EXOC6B: variants seen among roughly 807,000 people sequenced by gnomAD.
The protein encoded by EXOC6B is exocyst complex component 6B.
Under a neutral mutation model 113.5 loss-of-function variants are expected in EXOC6B, and 54 were observed. The observed-to-expected ratio is 0.48, with a 90% confidence interval of 0.38 to 0.60. The LOEUF is 0.60. EXOC6B is among the 20% of genes least tolerant of loss of function. The probability of loss-of-function intolerance (pLI) is 0.00; values close to 1 mark genes in which losing one functional copy is unlikely to be tolerated. For missense variants in EXOC6B, 797 were observed against 977.5 expected (o/e 0.82, Z 2.46); for synonymous variants, 357 against 339.0 (o/e 1.05, Z -0.58).
chr2:72,293,543 T>C (rs1430008479), intron 20 of EXOC6B, among the ~76,000 whole-genome samples: 1 of 152,148 alleles, frequency 6.6e-6, no homozygotes, highest in African/African-American at 2.4e-5. Flanking sequence ...ATTGCATATG[T>C]CAATGTGCCC....
intron 6 of EXOC6B, among the ~76,000 whole-genome samples, chr2:72,583,220 C>T (rs1330277362): frequency 6.6e-6 from 1 of 152,150 alleles, no homozygotes; most frequent in African/African-American, 2.4e-5. Context: ...AACAACCAAA[C>T]CTATGAATTA....
chr2:72,345,416 T>G (rs1305755468), intron 19 of EXOC6B, among the ~76,000 whole-genome samples: 1 of 152,144 alleles, frequency 6.6e-6, no homozygotes, highest in Non-Finnish European at 1.5e-5. Flanking sequence ...TTCCCAAATC[T>G]GGAAGCAACC....
At chr2:72,737,536 T>C (rs1212298556) in intron 2 of EXOC6B, among the ~76,000 whole-genome samples, 5 of 152,174 alleles carry the variant, frequency 3.3e-5, no homozygotes, top group African/African-American at 1.2e-4. Flanking sequence ...TATAGTCATT[T>C]TAAGCAGAAA....
intron 19 of EXOC6B, among the ~76,000 whole-genome samples, chr2:72,367,056 T>C (rs529091348): frequency 8.5e-5 from 13 of 152,164 alleles, no homozygotes; most frequent in African/African-American, 2.6e-4. Context: ...TTTTATAAAA[T>C]AAATGAGTGT....
At chr2:72,524,494 G>T (rs1277669549) in intron 8 of EXOC6B, among the ~76,000 whole-genome samples, 1 of 152,028 alleles carries the variant, frequency 6.6e-6, no homozygotes, top group Non-Finnish European at 1.5e-5. Context: ...ATGTATTAGG[G>T]CTTTGAAAAA....
chr2:72,547,802 C>T (rs1324983674), intron 8 of EXOC6B, among the ~76,000 whole-genome samples: 2 of 152,092 alleles, frequency 1.3e-5, no homozygotes, highest in Non-Finnish European at 2.9e-5. Context: ...CATAGCCCAC[C>T]CGTCTTTATA....
intron 17 of EXOC6B, 119 bp downstream of exon 17, chr2:72,480,497 A>G: frequency 1.1e-6 from 1 of 933,368 alleles, no homozygotes; most frequent in Non-Finnish European, 1.5e-6. Flanking sequence ...AACATATCAT[A>G]AACACTCATT....
chr2:72,248,128 C>T (rs1431794084), intron 20 of EXOC6B, among the ~76,000 whole-genome samples: 3 of 152,268 alleles, frequency 2.0e-5, no homozygotes, highest in Non-Finnish European at 2.9e-5. Flanking sequence ...AGAATCTGAA[C>T]TACTTAGACA....
intron 18 of EXOC6B, among the ~76,000 whole-genome samples, chr2:72,447,069 A>G (rs1440022131): frequency 6.6e-6 from 1 of 151,830 alleles, no homozygotes; most frequent in Non-Finnish European, 1.5e-5. Flanking sequence ...GCACCACTGC[A>G]CTCTAGTCTG....
chr2:72,401,759 TCAGAAA>T (rs1287935643), intron 18 of EXOC6B, among the ~76,000 whole-genome samples: 1 of 139,306 alleles, frequency 7.2e-6, no homozygotes, highest in African/African-American at 2.6e-5. Context: ...GTGAAATTAC[TCAGAAA>T]CAGAAAGTTT....
intron 19 of EXOC6B, among the ~76,000 whole-genome samples, chr2:72,376,441 T>G (rs1472072664): frequency 6.6e-6 from 1 of 152,218 alleles, no homozygotes; most frequent in Non-Finnish European, 1.5e-5. Flanking sequence ...CTCTTATCAC[T>G]GTTCTTCATT....
intron 20 of EXOC6B, among the ~76,000 whole-genome samples, chr2:72,193,788 T>C (rs1261827625): frequency 6.6e-6 from 1 of 152,184 alleles, no homozygotes; most frequent in Non-Finnish European, 1.5e-5. Flanking sequence ...AGGCCTCATA[T>C]GCTAAGCTAA....
At chr2:72,601,176 G>GTGTGTA (rs1553450422) in intron 6 of EXOC6B, among the ~76,000 whole-genome samples, 10 of 147,644 alleles carry the variant, frequency 6.8e-5, no homozygotes, top group South Asian at 2.1e-4. Flanking sequence ...GTGTGTGTGT[G>GTGTGTA]TATATCTTTT....
intron 6 of EXOC6B, among the ~76,000 whole-genome samples, chr2:72,673,423 C>T (rs1676054261): frequency 6.6e-6 from 1 of 152,150 alleles, no homozygotes; most frequent in African/African-American, 2.4e-5. Context: ...TCCCATTCCT[C>T]CGGTCTTGTT....
chr2:72,779,819 G>A (rs1250903646), intron 1 of EXOC6B, among the ~76,000 whole-genome samples: 2 of 152,194 alleles, frequency 1.3e-5, no homozygotes, highest in African/African-American at 4.8e-5. Context: ...TGGTCTCAGA[G>A]ATACAATAGA....
At chr2:72,794,249 TTAAG>T (rs1224973229) in intron 1 of EXOC6B, among the ~76,000 whole-genome samples, 1 of 152,238 alleles carries the variant, frequency 6.6e-6, no homozygotes, top group Non-Finnish European at 1.5e-5. Flanking sequence ...CTATGGCATC[TTAAG>T]TATGTGTCAC....
At chr2:72,218,823 C>T (rs1414571449) in intron 20 of EXOC6B, among the ~76,000 whole-genome samples, 2 of 151,878 alleles carry the variant, frequency 1.3e-5, no homozygotes, top group African/African-American at 4.8e-5. Context: ...CCACCATGCC[C>T]AACTAATTTT....
At chr2:72,438,879 T>C (rs1393784238) in intron 18 of EXOC6B, among the ~76,000 whole-genome samples, 1 of 152,204 alleles carries the variant, frequency 6.6e-6, no homozygotes. Context: ...TAGAATTTTC[T>C]TTTAAAATAT....
At chr2:72,293,468 T>A (rs960879977) in intron 20 of EXOC6B, among the ~76,000 whole-genome samples, 4 of 152,148 alleles carry the variant, frequency 2.6e-5, no homozygotes, top group Non-Finnish European at 5.9e-5. Context: ...TGATAAACAG[T>A]AAACCATTAA....
Sources: allele counts gnomAD v4.1 joint callset (sites outside exome capture counted in the v4.1 genomes callset), GRCh38; gene constraint gnomAD v4.1.1; transcripts MANE v1.5; gene names NCBI Gene and HGNC (gene_info 2026-07-23, HGNC 2026-07-21).